The following PPIP5K2 variants were observed in gnomAD, a reference collection of about 807,000 sequenced individuals.
PPIP5K2 encodes diphosphoinositol pentakisphosphate kinase 2, also known as inositol hexakisphosphate and diphosphoinositol-pentakisphosphate kinase 2.
In PPIP5K2, 105 loss-of-function variants were observed where a neutral mutation model predicts 154.6. That is an observed-to-expected ratio of 0.68 (90% CI 0.58 to 0.80). The LOEUF (loss-of-function observed/expected upper bound fraction) is 0.80, where lower values mean the gene tolerates loss of function less well. Ranked by LOEUF, PPIP5K2 falls within the 30% of genes least tolerant of loss-of-function variation. PPIP5K2 has a pLI of 0.00. For missense variants in PPIP5K2, 992 were observed against 1,504.6 expected (o/e 0.66, Z 5.64); for synonymous variants, 480 against 490.3 (o/e 0.98, Z 0.28).
intron 8 of PPIP5K2, among the ~76,000 whole-genome samples, chr5:103,149,639 T>A (rs1456811688): frequency 6.6e-6 from 1 of 152,184 alleles, no homozygotes; most frequent in Non-Finnish European, 1.5e-5. Flanking sequence ...TTGGTAAGAT[T>A]TTTTTGTTGA....
rs782048658 is a variant in PPIP5K2, at chr5:103,129,670, T to C, written c.81T>C (p.His27=). The C allele has an allele frequency of 6.2e-7, 1 of 1,609,226 alleles. No individual in the cohort carries two copies. Among genetic ancestry groups the C allele is most frequent in the Non-Finnish European group, 8.5e-7 (1 of 1,178,362 alleles). ...GAAATTATCGACATTTCTTCCACCA[T>C]GCAGATGAAGACGATGAGGAGGAAG... ...NPGNYRHFFH[H]ADEDDEEEDD... is the part of the protein sequence containing the mutation. Residue 27 remains histidine, a synonymous_variant, in exon 2 of 31, where the codon CAT becomes CAC. Coordinates refer to ENST00000358359, the MANE Select transcript of PPIP5K2 (RefSeq NM_001276277.3).
intron 17 of PPIP5K2, among the ~76,000 whole-genome samples, chr5:103,163,046 A>G (rs1388598104): frequency 1.2e-5 from 1 of 85,104 alleles, no homozygotes; most frequent in African/African-American, 4.9e-5. Flanking sequence ...GTGCCAATGA[A>G]TAATACCTCC....
rs147717543 is a variant in PPIP5K2, at chr5:103,159,214, C to A, written c.1806C>A (p.Asn602Lys). 1 of 1,610,912 alleles carries A rather than the reference C, an allele frequency of 6.2e-7. No individual in the cohort carries two copies. Among genetic ancestry groups the A allele is most frequent in the African/African-American group, 1.3e-5 (1 of 74,778 alleles). Residue 602 changes from asparagine to lysine, a missense_variant, in exon 17 of 31, where the codon AAC (asparagine) becomes AAA (lysine). Transcript: ENST00000358359. ...AAATGGTGAAAAGTGCAAATATGAA[C>A]GGTCTTTTGGATAGTGATAGTGACT... ...LVQMVKSANMNGLLDSDSDSL... is the reference protein window; with the variant it reads ...LVQMVKSANMKGLLDSDSDSL...
In PPIP5K2 at chr5:103,203,862, A is replaced by G. The variant is rs1390125368; in HGVS notation, c.*2228A>G. The G allele has an allele frequency of 6.6e-6, 1 of 152,124 alleles. No homozygotes were observed. The highest frequency in any genetic ancestry group is 1.5e-5 in the Non-Finnish European group (1 of 68,020). The allele number at this position is 152,124 out of a possible 1,614,324, so 9.4% of individuals were successfully genotyped here. A position where few individuals can be genotyped will look rare whatever the true frequency, so the allele number is the denominator to read the frequency against. On this transcript the variant is annotated 3_prime_UTR_variant, in exon 31 of 31. Coordinates refer to ENST00000358359, the MANE Select transcript of PPIP5K2 (RefSeq NM_001276277.3). ...GTAGTCCATTCTCAAATACTAGCAAATTTGGGGGGCGTGGTACAGCAATTT... is the reference window on the plus strand; with the variant it reads ...GTAGTCCATTCTCAAATACTAGCAAGTTTGGGGGGCGTGGTACAGCAATTT...
chr5:103,207,013 G>T lies in PPIP5K2; in HGVS notation c.*5379G>T, dbSNP rs1803550754. Reference sequence around the variant, plus strand: ...GGCACCTGAAAAGTGTCTCAACCAAGGCCCCCTGATAAGGAAGACTCAGCA... The same window carrying T: ...GGCACCTGAAAAGTGTCTCAACCAATGCCCCCTGATAAGGAAGACTCAGCA... On this transcript the variant is annotated 3_prime_UTR_variant, in exon 31 of 31. Transcript: ENST00000358359. 1 of 152,256 alleles carries T rather than the reference G, an allele frequency of 6.6e-6. No homozygotes were observed. The highest frequency in any genetic ancestry group is 2.4e-5 in the African/African-American group (1 of 41,436). 9.4% of individuals were successfully genotyped at this position (152,256 alleles called of 1,614,324 possible). A position where few individuals can be genotyped will look rare whatever the true frequency, so the allele number is the denominator to read the frequency against.
chr5:103,201,426 C>T (rs564394844), intron 30 of PPIP5K2, 96 bp from the exon 31 acceptor site: 6 of 687,448 alleles, frequency 8.7e-6, no homozygotes, highest in South Asian at 6.9e-5. Context: ...ACAATTATAA[C>T]AAGAATTGTT....
Position 103,210,172 on chromosome 5 carries a change from GCA to G in PPIP5K2, c.*8539_*8540del, listed in dbSNP as rs1401093194. 4 of 152,212 alleles carry G rather than the reference GCA, an allele frequency of 2.6e-5. No individual in the cohort carries two copies. Among genetic ancestry groups the G allele is most frequent in the African/African-American group, 9.6e-5 (4 of 41,546 alleles). 9.4% of individuals were successfully genotyped at this position (152,212 alleles called of 1,614,324 possible). A position where few individuals can be genotyped will look rare whatever the true frequency, so the allele number is the denominator to read the frequency against. ...GGAGTTGACTTCACCAGTGGGAAAA[GCA>G]ATTACTTTTCAAAGTGAAAACTGAT... On this transcript the variant is annotated 3_prime_UTR_variant, in exon 31 of 31. Transcript: ENST00000358359.
intron 30 of PPIP5K2, among the ~76,000 whole-genome samples, chr5:103,198,245 C>T (rs1325366387): frequency 6.6e-6 from 1 of 151,762 alleles, no homozygotes; most frequent in African/African-American, 2.4e-5. Flanking sequence ...TAAAAACATA[C>T]ACTGTGTGAT....
chr5:103,168,423 G>T, intron 19 of PPIP5K2, 128 bp downstream of exon 19: 1 of 671,826 alleles, frequency 1.5e-6, no homozygotes, highest in East Asian at 2.9e-5. Flanking sequence ...AGGAAATTAG[G>T]TAATTATGAA....
rs1197011843 is a variant in PPIP5K2, at chr5:103,202,530, T to C, written c.*896T>C. 1 of 152,174 alleles carries C rather than the reference T, an allele frequency of 6.6e-6. No homozygotes were observed. The highest frequency in any genetic ancestry group is 1.5e-5 in the Non-Finnish European group (1 of 68,020). The allele number at this position is 152,174 out of a possible 1,614,324, so 9.4% of individuals were successfully genotyped here. A position where few individuals can be genotyped will look rare whatever the true frequency, so the allele number is the denominator to read the frequency against. ...CTGTTAAGTTAGTAAGTATTATGTATAGCATCTGTTTTTAACCATTTCCAT... is the reference window on the plus strand; with the variant it reads ...CTGTTAAGTTAGTAAGTATTATGTACAGCATCTGTTTTTAACCATTTCCAT... On this transcript the variant is annotated 3_prime_UTR_variant, in exon 31 of 31. Coordinates refer to ENST00000358359, the MANE Select transcript of PPIP5K2 (RefSeq NM_001276277.3).
intron 24 of PPIP5K2, among the ~76,000 whole-genome samples, chr5:103,181,294 G>A (rs969648344): frequency 2.0e-5 from 3 of 151,882 alleles, no homozygotes; most frequent in Admixed American, 6.6e-5. Context: ...GGGGCCTGGC[G>A]TGGTGGCTCA....
chr5:103,165,353 C>A (rs186188451), intron 17 of PPIP5K2, among the ~76,000 whole-genome samples: 3 of 152,128 alleles, frequency 2.0e-5, no homozygotes, highest in Admixed American at 2.0e-4. Flanking sequence ...AACTTAACTA[C>A]CAAGTTAAGC....
intron 26 of PPIP5K2, among the ~76,000 whole-genome samples, chr5:103,185,343 C>T (rs561388309): frequency 5.6e-4 from 85 of 151,930 alleles, no homozygotes; most frequent in African/African-American, 1.9e-3. Flanking sequence ...GAAATAGTGG[C>T]GTATTATTTT....
chr5:103,198,362 C>G (rs1193743747), intron 30 of PPIP5K2, among the ~76,000 whole-genome samples: 6 of 151,364 alleles, frequency 4.0e-5, no homozygotes, highest in Admixed American at 3.9e-4. Flanking sequence ...TTCATTGATC[C>G]TAATGGACAC....
intron 28 of PPIP5K2, among the ~76,000 whole-genome samples, 164 bp downstream of exon 28, chr5:103,187,540 T>C (rs1800590331): frequency 6.6e-6 from 1 of 152,138 alleles, no homozygotes; most frequent in Non-Finnish European, 1.5e-5. Flanking sequence ...TGATACTGTC[T>C]AGCTCCCTTT....
intron 5 of PPIP5K2, among the ~76,000 whole-genome samples, chr5:103,143,314 C>T (rs1793157666): frequency 6.6e-6 from 1 of 152,228 alleles, no homozygotes; most frequent in African/African-American, 2.4e-5. Flanking sequence ...CTTCAGCTTC[C>T]TGAGTAGCTG....
rs760891385 is a variant in PPIP5K2, at chr5:103,207,157, G to C, written c.*5523G>C. 6.6e-5 allele frequency: 10 copies of C among 152,210 alleles called. No individual in the cohort carries two copies. The highest frequency in any genetic ancestry group is 1.3e-4 in the Non-Finnish European group (9 of 68,084). The allele number at this position is 152,210 out of a possible 1,614,324, so 9.4% of individuals were successfully genotyped here. A position where few individuals can be genotyped will look rare whatever the true frequency, so the allele number is the denominator to read the frequency against. On this transcript the variant is annotated 3_prime_UTR_variant, in exon 31 of 31. Coordinates refer to ENST00000358359, the MANE Select transcript of PPIP5K2 (RefSeq NM_001276277.3). The stretch of plus-strand genomic sequence containing the variant: ...CTGTGTTTAAATCTCATGTGGGAAG[G>C]GCACCTTTCCCCTACAAAGCCTGTC...
chr5:103,142,521 C>T lies in PPIP5K2; in HGVS notation c.488-4006C>T, dbSNP rs115872500. Among the ~76,000 whole-genome samples the T allele has an allele frequency of 9.0e-3, 1,374 of 152,326 alleles. 8 individuals carry two copies. Among genetic ancestry groups the T allele is most frequent in the Non-Finnish European group, 0.013 (858 of 68,032 alleles). On this transcript the variant is annotated intron_variant, in intron 5 of 30. Transcript: ENST00000358359. ...GCGGGACGAAGGGCTCCTCAAGCGC[C>T]GCCAAAGTGGAAGCCCAGGCAGAGG...
At chr5:103,136,343 G>T (rs112566418) in intron 3 of PPIP5K2, among the ~76,000 whole-genome samples, 17 of 152,134 alleles carry the variant, frequency 1.1e-4, no homozygotes, top group Admixed American at 3.3e-4. Context: ...AAATATCTAA[G>T]TGAAAAGAAG....
Sources: gnomAD v4.1 joint callset for allele counts (sites outside exome capture counted in the v4.1 genomes callset) on GRCh38, gnomAD v4.1.1 for gene constraint, MANE v1.5 for transcripts, NCBI Gene and HGNC (gene_info 2026-07-23, HGNC 2026-07-21) for gene names.